Variants in RGPD2 observed in about 807,000 individuals in gnomAD.
The protein encoded by RGPD2 is RANBP2-like and GRIP domain-containing protein 2.
A neutral mutation model predicts 36.0 loss-of-function variants in RGPD2; 2 were observed. The observed-to-expected ratio is 0.06, with a 90% confidence interval of 0.02 to 0.17. The LOEUF (loss-of-function observed/expected upper bound fraction) is 0.17, where lower values mean the gene tolerates loss of function less well. Among genes scored for constraint, RGPD2 ranks in the 10% least tolerant of loss-of-function variants. The pLI, the probability that RGPD2 is intolerant of heterozygous loss-of-function variation, is 1.00. For synonymous variants in RGPD2, 19 were observed against 163.8 expected (o/e 0.12, Z 6.75); for missense variants, 40 against 464.3 (o/e 0.09, Z 8.40).
At chr2:87,951,864 C>A in the RGPD2 span, among the ~76,000 whole-genome samples, 1 of 145,456 alleles carries the variant, frequency 6.9e-6, no homozygotes, top group Non-Finnish European at 1.5e-5. Context: ...ATTACAGGCA[C>A]GAGCCACCGC....
the RGPD2 span, among the ~76,000 whole-genome samples, chr2:87,869,968 C>T: frequency 6.6e-6 from 1 of 152,180 alleles, no homozygotes; most frequent in Non-Finnish European, 1.5e-5. Context: ...GTTTCCTTCA[C>T]TTCTTCTTAC....
the RGPD2 span, among the ~76,000 whole-genome samples, chr2:87,886,368 C>T: frequency 4.0e-5 from 6 of 151,496 alleles, no homozygotes; most frequent in East Asian, 1.2e-3. Flanking sequence ...TATTTGATAG[C>T]TTTTATTCCA....
chr2:87,809,234 G>C (rs1459414584), intron 6 of RGPD2, among the ~76,000 whole-genome samples: 1 of 151,870 alleles, frequency 6.6e-6, no homozygotes, highest in African/African-American at 2.4e-5. Flanking sequence ...GAACCCTGGA[G>C]ACAGAGCTTG....
chr2:87,866,768 G>A, the RGPD2 span, among the ~76,000 whole-genome samples: 16 of 151,746 alleles, frequency 1.1e-4, no homozygotes, highest in East Asian at 3.1e-3. Context: ...AACTGTGGCT[G>A]CTGCCCAGGC....
At chr2:87,973,844 G>A in the RGPD2 span, among the ~76,000 whole-genome samples, 9 of 148,854 alleles carry the variant, frequency 6.0e-5, no homozygotes, top group Non-Finnish European at 1.2e-4. Flanking sequence ...ATTTCCCAGG[G>A]TTGTTGTGAG....
chr2:87,940,019 T>C, the RGPD2 span, among the ~76,000 whole-genome samples: 2 of 152,026 alleles, frequency 1.3e-5, no homozygotes, highest in Non-Finnish European at 2.9e-5. Context: ...ATAAAATTAG[T>C]ACTTGAAACC....
At chr2:87,922,292 C>CAAAAAAA in the RGPD2 span, among the ~76,000 whole-genome samples, 2 of 84,690 alleles carry the variant, frequency 2.4e-5, no homozygotes, top group Non-Finnish European at 4.2e-5. Flanking sequence ...GACTTCGTCT[C>CAAAAAAA]AAAAAAAAAA....
the RGPD2 span, among the ~76,000 whole-genome samples, chr2:87,927,227 ATTG>A: frequency 7.6e-6 from 1 of 131,074 alleles, no homozygotes; most frequent in East Asian, 2.1e-4. Flanking sequence ...ACCTCCCATA[ATTG>A]TTAAGGATGA....
At chr2:87,941,033 C>T in the RGPD2 span, among the ~76,000 whole-genome samples, 9 of 151,802 alleles carry the variant, frequency 5.9e-5, no homozygotes, top group Non-Finnish European at 7.4e-5. Flanking sequence ...TGATTACAAA[C>T]GGACAAGTAG....
chr2:87,861,392 C>A, the RGPD2 span, among the ~76,000 whole-genome samples: 1 of 151,966 alleles, frequency 6.6e-6, no homozygotes, highest in Non-Finnish European at 1.5e-5. Flanking sequence ...TGCCTTTAAT[C>A]AAGATTTATC....
chr2:87,857,039 C>T, the RGPD2 span, among the ~76,000 whole-genome samples: 2 of 152,132 alleles, frequency 1.3e-5, no homozygotes, highest in African/African-American at 4.8e-5. Context: ...GTTGAAAGAC[C>T]CAAAGTCAAA....
chr2:87,905,468 C>T, the RGPD2 span, among the ~76,000 whole-genome samples: 5 of 151,924 alleles, frequency 3.3e-5, no homozygotes, highest in Non-Finnish European at 5.9e-5. Context: ...AAAACTATTT[C>T]AACTTGAATA....
chr2:87,853,399 A>C, the RGPD2 span, among the ~76,000 whole-genome samples: 3 of 151,844 alleles, frequency 2.0e-5, no homozygotes, highest in Admixed American at 1.3e-4. Flanking sequence ...TTTTTTTTAA[A>C]TTTTTGTAGA....
chr2:87,863,512 T>TA, the RGPD2 span, among the ~76,000 whole-genome samples: 1 of 151,384 alleles, frequency 6.6e-6, no homozygotes, highest in African/African-American at 2.4e-5. Flanking sequence ...CCCTGCCAGG[T>TA]AAAAAATGAC....
At chr2:87,824,455 C>A (rs1686519871) in intron 1 of RGPD2, among the ~76,000 whole-genome samples, 1 of 152,050 alleles carries the variant, frequency 6.6e-6, no homozygotes, top group South Asian at 2.1e-4. Flanking sequence ...CCAGCCTCTG[C>A]CAAACTGGGG....
the RGPD2 span, among the ~76,000 whole-genome samples, chr2:87,847,766 AG>A: frequency 4.1e-5 from 6 of 146,440 alleles, no homozygotes; most frequent in African/African-American, 1.5e-4. Flanking sequence ...CAAAATGCTG[AG>A]ATTACAGGTG....
the RGPD2 span, among the ~76,000 whole-genome samples, chr2:87,952,465 C>A: frequency 2.0e-5 from 3 of 152,094 alleles, no homozygotes; most frequent in South Asian, 2.1e-4. Context: ...CACAGAGAAA[C>A]ATAAATGTTT....
chr2:87,978,907 AC>A, the RGPD2 span, among the ~76,000 whole-genome samples: 3 of 138,500 alleles, frequency 2.2e-5, no homozygotes, highest in Admixed American at 1.5e-4. Context: ...AAAAAGTGAC[AC>A]CCCGTCTCTT....
chr2:87,894,861 G>A, the RGPD2 span, among the ~76,000 whole-genome samples: 22 of 130,946 alleles, frequency 1.7e-4, no homozygotes, highest in South Asian at 2.0e-3. Flanking sequence ...GTCATATTAC[G>A]ACTTCTCTTG....
Sources: gnomAD v4.1 joint callset for allele counts (sites outside exome capture counted in the v4.1 genomes callset) on GRCh38, gnomAD v4.1.1 for gene constraint, MANE v1.5 for transcripts, NCBI Gene and HGNC (gene_info 2026-07-23, HGNC 2026-07-21) for gene names.